The following GALNT1 variants were observed in gnomAD, a reference collection of about 807,000 sequenced individuals.
The protein encoded by GALNT1 is polypeptide N-acetylgalactosaminyltransferase 1, also known as GalNAc transferase 1.
Under a neutral mutation model 65.7 loss-of-function variants are expected in GALNT1, and 17 were observed. That is an observed-to-expected ratio of 0.26 (90% CI 0.18 to 0.39). The LOEUF is 0.39. GALNT1 is among the 10% of genes least tolerant of loss of function. The pLI is 1.00. For missense variants in GALNT1, 460 were observed against 672.8 expected, an observed-to-expected ratio of 0.68 and a Z score of 3.50; for synonymous variants, 210 against 219.7, an observed-to-expected ratio of 0.96 and a Z score of 0.39.
chr18:35,646,290 G>C (rs903974524), intron 1 of GALNT1, among the ~76,000 whole-genome samples: 5 of 152,102 alleles, frequency 3.3e-5, no homozygotes, highest in South Asian at 2.1e-4. Context: ...CTCCCACCAG[G>C]TCCCTTCCCC....
At chr18:35,598,162 A>C (rs938781296) in intron 1 of GALNT1, among the ~76,000 whole-genome samples, 1 of 151,240 alleles carries the variant, frequency 6.6e-6, no homozygotes, top group Non-Finnish European at 1.5e-5. Context: ...TAGCCTCCCA[A>C]GTAGCTGGGA....
At position 35,709,753 on chromosome 18, in the gene GALNT1, C is replaced by G. The variant is rs1459200345; in HGVS notation, c.1663C>G (p.Leu555Val). ...GCAGTGGCTTCTTCGAAACGTCACC[C>G]TGCCAGAAATATTCTGAGACCAAAT... Reference protein sequence around the residue: ...SQQWLLRNVTLPEIF With the variant: ...SQQWLLRNVTVPEIF Residue 555 changes from leucine (L) to valine (V), a missense_variant, in exon 12 of 12, where the codon CTG becomes GTG. Transcript: ENST00000269195. 1.9e-6 allele frequency: 3 copies of G among 1,614,032 alleles called. No homozygotes were observed. Among genetic ancestry groups the G allele is most frequent in the Non-Finnish European group, 2.5e-6 (3 of 1,179,990 alleles).
intron 1 of GALNT1, among the ~76,000 whole-genome samples, chr18:35,631,544 A>G (rs957234671): frequency 2.6e-5 from 4 of 152,238 alleles, no homozygotes; most frequent in South Asian, 2.1e-4. Flanking sequence ...TTAGGTATTC[A>G]TGGGACATAT....
At chr18:35,617,484 A>C (rs2046799773) in intron 1 of GALNT1, among the ~76,000 whole-genome samples, 2 of 152,206 alleles carry the variant, frequency 1.3e-5, no homozygotes, top group Non-Finnish European at 2.9e-5. Flanking sequence ...ATTCTAACAT[A>C]TATAAAAGTA....
intron 1 of GALNT1, among the ~76,000 whole-genome samples, chr18:35,627,700 A>C (rs117124159): frequency 0.1 from 15,466 of 152,116 alleles, 1,013 homozygotes; most frequent in African/African-American, 0.19. Context: ...CCGGGTTCAT[A>C]TCACTGGGGA....
intron 2 of GALNT1, among the ~76,000 whole-genome samples, chr18:35,657,939 G>A (rs1364023940): frequency 6.6e-6 from 1 of 152,148 alleles, no homozygotes; most frequent in Admixed American, 6.5e-5. Flanking sequence ...AAACTATAGG[G>A]GAAAGGAGGA....
chr18:35,684,636 C>T (rs2047839465), intron 5 of GALNT1, among the ~76,000 whole-genome samples: 2 of 151,962 alleles, frequency 1.3e-5, no homozygotes, highest in Admixed American at 6.6e-5. Context: ...ATGGTGGATT[C>T]GATATTCTGA....
intron 1 of GALNT1, among the ~76,000 whole-genome samples, chr18:35,609,226 TTTGA>T (rs1476759421): frequency 6.6e-6 from 1 of 152,190 alleles, no homozygotes; most frequent in African/African-American, 2.4e-5. Context: ...AAAGTTGGTC[TTTGA>T]TTGATATTAG....
At chr18:35,603,456 T>A (rs1467168051) in intron 1 of GALNT1, among the ~76,000 whole-genome samples, 4 of 152,190 alleles carry the variant, frequency 2.6e-5, no homozygotes, top group Admixed American at 1.3e-4. Flanking sequence ...GTTTTTGGTT[T>A]TCTGCAGAGG....
intron 1 of GALNT1, among the ~76,000 whole-genome samples, chr18:35,654,272 A>G (rs555484020): frequency 2.0e-5 from 3 of 152,120 alleles, no homozygotes; most frequent in Non-Finnish European, 4.4e-5. Flanking sequence ...TTGGCTATTT[A>G]GGTTTCCATT....
At chr18:35,585,247 A>G (rs189423470) in intron 1 of GALNT1, among the ~76,000 whole-genome samples, 4 of 152,142 alleles carry the variant, frequency 2.6e-5, no homozygotes, top group Admixed American at 1.3e-4. Context: ...CTCTTTCTTC[A>G]TAGGCACTTT....
intron 7 of GALNT1, among the ~76,000 whole-genome samples, chr18:35,690,787 T>C (rs1312295620): frequency 6.6e-6 from 1 of 152,218 alleles, no homozygotes; most frequent in East Asian, 1.9e-4. Context: ...TCAATACTTT[T>C]TTAAAAACTA....
At chr18:35,642,655 T>C (rs1437372767) in intron 1 of GALNT1, among the ~76,000 whole-genome samples, 1 of 152,166 alleles carries the variant, frequency 6.6e-6, no homozygotes, top group Non-Finnish European at 1.5e-5. Flanking sequence ...AAAAGTATCT[T>C]TTCAAATAGT....
At chr18:35,683,845 A>G (rs1420528668) in intron 5 of GALNT1, among the ~76,000 whole-genome samples, 1 of 152,218 alleles carries the variant, frequency 6.6e-6, no homozygotes, top group East Asian at 1.9e-4. Flanking sequence ...AATGTATACT[A>G]TATGCTGTGT....
intron 7 of GALNT1, 87 bp from the exon 8 acceptor site, chr18:35,690,925 T>G: frequency 7.9e-7 from 1 of 1,269,124 alleles, no homozygotes; most frequent in South Asian, 1.8e-5. Flanking sequence ...CCTATTTAAT[T>G]GAAAAGAAAA....
intron 11 of GALNT1, among the ~76,000 whole-genome samples, chr18:35,707,712 T>C (rs974269834): frequency 6.6e-6 from 1 of 152,208 alleles, no homozygotes; most frequent in Non-Finnish European, 1.5e-5. Context: ...ACTAAATTTT[T>C]TGTTGTGCCT....
At chr18:35,656,832 G>C (rs1163532912) in intron 2 of GALNT1, among the ~76,000 whole-genome samples, 2 of 152,204 alleles carry the variant, frequency 1.3e-5, no homozygotes, top group Non-Finnish European at 2.9e-5. Flanking sequence ...AGACTGTTGT[G>C]AGAGTTTGGA....
intron 1 of GALNT1, among the ~76,000 whole-genome samples, chr18:35,629,909 A>G (rs1598788699): frequency 6.6e-6 from 1 of 152,204 alleles, no homozygotes; most frequent in African/African-American, 2.4e-5. Flanking sequence ...TTGCAATCCT[A>G]GTTTCTGATA....
chr18:35,624,089 T>TA, intron 1 of GALNT1, among the ~76,000 whole-genome samples: 1 of 152,380 alleles, frequency 6.6e-6, no homozygotes. Flanking sequence ...ACATCATTGA[T>TA]ATCTCTGTTC....
Sources: allele counts gnomAD v4.1 joint callset (sites outside exome capture counted in the v4.1 genomes callset), GRCh38; gene constraint gnomAD v4.1.1; transcripts MANE v1.5; gene names NCBI Gene and HGNC (gene_info 2026-07-23, HGNC 2026-07-21).